MYT1L: variants seen among roughly 807,000 people sequenced by gnomAD.
MYT1L encodes myelin transcription factor 1-like protein.
Under a neutral mutation model 126.7 loss-of-function variants are expected in MYT1L, and 12 were observed. The observed-to-expected ratio is 0.09, with a 90% confidence interval of 0.06 to 0.15. MYT1L has a LOEUF of 0.15. Among genes scored for constraint, MYT1L ranks in the 10% least tolerant of loss-of-function variants. The pLI, the probability that MYT1L is intolerant of heterozygous loss-of-function variation, is 1.00. For missense variants in MYT1L, 979 were observed against 1,585.2 expected (o/e 0.62, Z 6.49); for synonymous variants, 541 against 604.2 (o/e 0.90, Z 1.53).
intron 19 of MYT1L, among the ~76,000 whole-genome samples, chr2:1,846,606 C>T (rs902192465): frequency 6.6e-6 from 1 of 152,028 alleles, no homozygotes; most frequent in Non-Finnish European, 1.5e-5. Flanking sequence ...TTTGGGATCC[C>T]GGGAGACATG....
chr2:2,125,667 G>A (rs774731827), intron 3 of MYT1L, among the ~76,000 whole-genome samples: 3 of 152,072 alleles, frequency 2.0e-5, no homozygotes, highest in Non-Finnish European at 2.9e-5. Context: ...ACAAAATATT[G>A]TAATTTTGGA....
intron 23 of MYT1L, among the ~76,000 whole-genome samples, chr2:1,797,649 C>T (rs2033878663): frequency 6.6e-6 from 1 of 152,262 alleles, no homozygotes; most frequent in Non-Finnish European, 1.5e-5. Context: ...CTAATTGGAC[C>T]TCAAATAGCA....
chr2:2,204,578 G>T (rs1572434416), intron 2 of MYT1L, among the ~76,000 whole-genome samples: 2 of 142,698 alleles, frequency 1.4e-5, no homozygotes, highest in East Asian at 4.0e-4. Flanking sequence ...TCTCCCACCA[G>T]TTAGAATGGC....
chr2:2,040,646 A>G (rs895668973), intron 4 of MYT1L, among the ~76,000 whole-genome samples: 1 of 152,092 alleles, frequency 6.6e-6, no homozygotes, highest in Non-Finnish European at 1.5e-5. Flanking sequence ...ACACTTGGCC[A>G]CTCTTCAGGG....
intron 4 of MYT1L, among the ~76,000 whole-genome samples, chr2:2,013,865 C>T (rs894270006): frequency 2.6e-5 from 4 of 152,228 alleles, no homozygotes; most frequent in African/African-American, 9.6e-5. Context: ...GGCCTGCGTC[C>T]GCACCCGGGC....
chr2:2,064,950 G>A (rs957918979), intron 3 of MYT1L, among the ~76,000 whole-genome samples: 1 of 152,284 alleles, frequency 6.6e-6, no homozygotes, highest in African/African-American at 2.4e-5. Flanking sequence ...TGAAATCCCA[G>A]CACTTTGAGA....
At chr2:1,961,633 C>T (rs1350569476) in intron 8 of MYT1L, among the ~76,000 whole-genome samples, 1 of 152,244 alleles carries the variant, frequency 6.6e-6, no homozygotes, top group Non-Finnish European at 1.5e-5. Flanking sequence ...GCTCTTGCTA[C>T]ACAAACTCTT....
At chr2:2,164,265 C>T (rs1368981960) in intron 3 of MYT1L, among the ~76,000 whole-genome samples, 1 of 152,124 alleles carries the variant, frequency 6.6e-6, no homozygotes, top group Non-Finnish European at 1.5e-5. Flanking sequence ...TCTGAACCCT[C>T]TTCCTCTTTC....
intron 5 of MYT1L, among the ~76,000 whole-genome samples, chr2:1,987,985 C>A (rs2061174951): frequency 6.6e-6 from 1 of 152,236 alleles, no homozygotes; most frequent in Non-Finnish European, 1.5e-5. Context: ...TGCGTTTCAT[C>A]TCTGCTCTTG....
intron 1 of MYT1L, among the ~76,000 whole-genome samples, chr2:2,305,662 C>T (rs2095848422): frequency 6.6e-6 from 1 of 152,118 alleles, no homozygotes; most frequent in African/African-American, 2.4e-5. Context: ...GCTCCACAGG[C>T]TGTACAGGAT....
intron 2 of MYT1L, among the ~76,000 whole-genome samples, chr2:2,236,775 C>T (rs2094320531): frequency 2.4e-5 from 1 of 41,348 alleles, no homozygotes; most frequent in African/African-American, 1.4e-4. Context: ...TCTTCTTCTT[C>T]TTCTTCTTCT....
At position 1,912,341 on chromosome 2, in the gene MYT1L, C is replaced by A. The variant is rs929890810; in HGVS notation, c.1619-231G>T. ...AAGAAGGTTGACTGGACCCTACAGA[C>A]CCTACATGAAAGGCCAGAGAAAGAA... On this transcript the variant is annotated intron_variant, in intron 11 of 24. Transcript: ENST00000647738. This position sits in a 1 kb window ranked among gnomAD's most constrained non-coding sequence, Gnocchi z 4.3. Among the ~76,000 whole-genome samples, 12 of 152,098 alleles carry A rather than the reference C, an allele frequency of 7.9e-5. No homozygotes were observed. Among genetic ancestry groups the A allele is most frequent in the South Asian group, 2.1e-4 (1 of 4,816 alleles).
At chr2:2,107,743 T>A (rs1047473736) in intron 3 of MYT1L, among the ~76,000 whole-genome samples, 3 of 152,156 alleles carry the variant, frequency 2.0e-5, no homozygotes, top group African/African-American at 7.2e-5. Flanking sequence ...GTTGCTAGTT[T>A]AGAGGGAAGA....
rs1475582193 is a variant in MYT1L at position 1,990,731 on chromosome 2, G to A, written c.-1+6460C>T. Among the ~76,000 whole-genome samples, 4 of 152,210 alleles carry A rather than the reference G, an allele frequency of 2.6e-5. No individual in the cohort carries two copies. In the East Asian group the frequency reaches 7.7e-4, roughly 29 times the overall value. On this transcript the variant is annotated intron_variant, in intron 5 of 24. Coordinates refer to ENST00000647738, the MANE Select transcript of MYT1L (RefSeq NM_001303052.2). ...GAGAGTTCTGGGGAAAAGAACGGCA[G>A]TTCTGTGTGGACTGCCAGGACCAGC...
chr2:2,161,705 G>A (rs1032660243), intron 3 of MYT1L, among the ~76,000 whole-genome samples: 1 of 152,172 alleles, frequency 6.6e-6, no homozygotes, highest in African/African-American at 2.4e-5. Flanking sequence ...ATGGTGCTGG[G>A]GACGCCAGCT....
In MYT1L at chr2:2,159,623, G is replaced by A. The variant is rs1687913; in HGVS notation, c.-304+13249C>T. Among the ~76,000 whole-genome samples the A allele has an allele frequency of 7.2e-3, 1,094 of 152,220 alleles. 9 individuals carry two copies. The highest frequency in any genetic ancestry group is 0.025 in the African/African-American group (1,038 of 41,554). Reference sequence around the variant, plus strand: ...GGAGGTGGCCGATGCCAGCCTGGGAGCTGCCTTAGCGAGGGGGCGTGGATC... The same window carrying A: ...GGAGGTGGCCGATGCCAGCCTGGGAACTGCCTTAGCGAGGGGGCGTGGATC... On this transcript the variant is annotated intron_variant, in intron 3 of 24. Transcript: ENST00000647738.
At chr2:1,921,064 C>T (rs2053515133) in intron 10 of MYT1L, among the ~76,000 whole-genome samples, 1 of 152,216 alleles carries the variant, frequency 6.6e-6, no homozygotes, top group South Asian at 2.1e-4. Flanking sequence ...GTCTGTGCCA[C>T]AGTGGGAAAA....
Position 1,868,729 on chromosome 2 carries a change from C to T in MYT1L, c.2712-17026G>A, listed in dbSNP as rs1044547768. 9.9e-5 allele frequency among the ~76,000 whole-genome samples: 15 copies of T among 152,182 alleles called. No homozygotes were observed. The East Asian group carries it at 1.5e-3, about 16-fold the overall frequency. On this transcript the variant is annotated intron_variant, in intron 18 of 24. Coordinates refer to ENST00000647738, the MANE Select transcript of MYT1L (RefSeq NM_001303052.2). The stretch of plus-strand genomic sequence containing the variant: ...GGCTGAGAGGCAGGGGGGATGCAGA[C>T]GAGCGTTGCTATGGAGACACGGTTG...
chr2:1,952,962 CCCTCCCT>C (rs1297648354), intron 8 of MYT1L, among the ~76,000 whole-genome samples: 1 of 117,330 alleles, frequency 8.5e-6, no homozygotes, highest in Non-Finnish European at 1.8e-5. Context: ...CTCCCTCCCT[CCCTCCCT>C]CCTTCCTTCC....
Sources: allele counts gnomAD v4.1 joint callset (sites outside exome capture counted in the v4.1 genomes callset), GRCh38; gene constraint gnomAD v4.1.1; non-coding constraint Gnocchi (gnomAD v3.1); transcripts MANE v1.5; gene names NCBI Gene and HGNC (gene_info 2026-07-23, HGNC 2026-07-21).